TBX15: variants seen among roughly 807,000 people sequenced by gnomAD.
TBX15 encodes T-box transcription factor TBX15.
Under a neutral mutation model 53.9 loss-of-function variants are expected in TBX15, and 18 were observed. That is an observed-to-expected ratio of 0.33 (90% CI 0.23 to 0.49). The LOEUF is 0.49. Among genes scored for constraint, TBX15 ranks in the 20% least tolerant of loss-of-function variants. TBX15 has a pLI of 0.98. For synonymous variants in TBX15, 295 were observed against 278.0 expected (o/e 1.06, Z -0.61); for missense variants, 692 against 749.5 (o/e 0.92, Z 0.90).
chr1:118,917,312 G>T (rs761185899), intron 5 of TBX15, among the ~76,000 whole-genome samples: 1 of 152,106 alleles, frequency 6.6e-6, no homozygotes, highest in East Asian at 1.9e-4. Flanking sequence ...GCAAACGAAC[G>T]CAGGAACAGA....
rs1653860427 is a variant in TBX15 at position 118,884,645 on chromosome 1, A to C, written c.*87T>G. 6.6e-7 allele frequency: 1 copy of C among 1,507,282 alleles called. No individual in the cohort carries two copies. The highest frequency in any genetic ancestry group is 9.0e-7 in the Non-Finnish European group (1 of 1,110,284). 93.4% of individuals were successfully genotyped at this position (1,507,282 alleles called of 1,614,324 possible). ...AAAAAACACGGTTCCTGTTTTTCAA[A>C]GACACTGGACTCCCAAAGAGGAGGA... is the stretch of plus-strand genomic sequence containing the variant. On this transcript the variant is annotated 3_prime_UTR_variant, in exon 8 of 8. Coordinates refer to ENST00000369429, the MANE Select transcript of TBX15 (RefSeq NM_001330677.2).
At chr1:118,936,961 A>G (rs1322131801) in intron 1 of TBX15, among the ~76,000 whole-genome samples, 2 of 152,186 alleles carry the variant, frequency 1.3e-5, no homozygotes, top group East Asian at 1.9e-4. Context: ...GGAGCTCACA[A>G]TTTGGTAGAA....
chr1:118,951,449 A>C (rs975212665), intron 1 of TBX15, among the ~76,000 whole-genome samples: 2 of 152,168 alleles, frequency 1.3e-5, no homozygotes, highest in Non-Finnish European at 2.9e-5. Context: ...AGGGGTTTTG[A>C]GTAACAATAA....
intron 6 of TBX15, among the ~76,000 whole-genome samples, chr1:118,903,265 GC>G (rs1654696788): frequency 6.6e-6 from 1 of 152,122 alleles, no homozygotes; most frequent in African/African-American, 2.4e-5. Flanking sequence ...GAGAAAGCAA[GC>G]CAAGGACCTC....
Position 118,884,439 on chromosome 1 carries a change from A to G in TBX15, c.*293T>C. The G allele has an allele frequency of 2.2e-6, 1 of 459,134 alleles. No homozygotes were observed. Among genetic ancestry groups the G allele is most frequent in the Non-Finnish European group, 4.0e-6 (1 of 251,672 alleles). 28.4% of individuals were successfully genotyped at this position (459,134 alleles called of 1,614,324 possible). On this transcript the variant is annotated 3_prime_UTR_variant, in exon 8 of 8. Coordinates refer to ENST00000369429, the MANE Select transcript of TBX15 (RefSeq NM_001330677.2). ...AGCATCTCCCTTAACATTATGACGA[A>G]GTGATTATTCAGTCTCTTCAAAGGC...
At chr1:118,957,081 T>TC (rs1232595678) in intron 1 of TBX15, among the ~76,000 whole-genome samples, 1 of 152,192 alleles carries the variant, frequency 6.6e-6, no homozygotes, top group Non-Finnish European at 1.5e-5. Context: ...CCTGCCTACC[T>TC]CCATTCCTGT....
rs1426845723 is a variant in TBX15 at position 118,885,155 on chromosome 1, C to T, written c.1386G>A (p.Met462Ile). 1.2e-6 allele frequency: 2 copies of T among 1,614,208 alleles called. No homozygotes were observed. The highest frequency in any genetic ancestry group is 2.2e-5 in the South Asian group (2 of 91,084). ...ACCCCAGCTGGCCACCGTAGGCTTC[C>T]ATCTTGCTGTTGCCAGGCAACGAGG... ...TPPSLPGNSK[M>I]EAYGGQLGSF... Residue 462 changes from methionine (M) to isoleucine (I), a missense_variant, in exon 8 of 8, where the codon ATG becomes ATA. Physicochemically the swap from Met to Ile is conservative, Grantham distance 10 (BLOSUM62 1). Transcript: ENST00000369429.
chr1:118,972,691 C>T (rs934704376), intron 1 of TBX15, among the ~76,000 whole-genome samples: 1 of 152,056 alleles, frequency 6.6e-6, no homozygotes, highest in African/African-American at 2.4e-5. Flanking sequence ...CTCTGCCTCC[C>T]GGGTTCAAGT....
intron 7 of TBX15, among the ~76,000 whole-genome samples, chr1:118,891,372 CTTAA>C (rs1282067883): frequency 6.6e-5 from 10 of 152,306 alleles, no homozygotes; most frequent in Middle Eastern, 3.4e-3. Flanking sequence ...TTTCCATTAA[CTTAA>C]TTGTTTTCTC....
At chr1:118,923,703 GCA>G in intron 4 of TBX15, 100 bp from the exon 5 acceptor site, 1 of 1,405,670 alleles carries the variant, frequency 7.1e-7, no homozygotes, top group East Asian at 2.3e-5. Context: ...TATAGGAAAA[GCA>G]CAGATTGGAG....
At chr1:118,894,420 T>C (rs1219331975) in intron 7 of TBX15, among the ~76,000 whole-genome samples, 1 of 152,070 alleles carries the variant, frequency 6.6e-6, no homozygotes, top group Non-Finnish European at 1.5e-5. Context: ...CTTTCATAGG[T>C]GAAAGTAAAC....
intron 1 of TBX15, among the ~76,000 whole-genome samples, chr1:118,971,093 G>A (rs1345506834): frequency 6.6e-6 from 1 of 152,148 alleles, no homozygotes; most frequent in African/African-American, 2.4e-5. Flanking sequence ...GGCTGCCGTG[G>A]TCACAATCCT....
chr1:118,904,463 A>G (rs1654745294), intron 6 of TBX15, among the ~76,000 whole-genome samples: 1 of 152,150 alleles, frequency 6.6e-6, no homozygotes, highest in Non-Finnish European at 1.5e-5. Flanking sequence ...TAAAAACCTA[A>G]CCATCATTCA....
At chr1:118,977,749 T>G (rs1208866921) in intron 1 of TBX15, among the ~76,000 whole-genome samples, 3 of 152,244 alleles carry the variant, frequency 2.0e-5, no homozygotes, top group East Asian at 3.8e-4. Flanking sequence ...ATAGAGGCCT[T>G]GAATGCTAAG....
chr1:118,962,201 C>T (rs1443479566), intron 1 of TBX15, among the ~76,000 whole-genome samples: 1 of 152,216 alleles, frequency 6.6e-6, no homozygotes, highest in African/African-American at 2.4e-5. Context: ...TCCATTACTA[C>T]AGACCAGCAC....
At chr1:118,929,884 C>T (rs1655723593) in intron 2 of TBX15, among the ~76,000 whole-genome samples, 1 of 152,064 alleles carries the variant, frequency 6.6e-6, no homozygotes, top group Non-Finnish European at 1.5e-5. Flanking sequence ...TTTCTTCTCT[C>T]TCCAAACCAA....
At chr1:118,968,238 A>T (rs1657119013) in intron 1 of TBX15, among the ~76,000 whole-genome samples, 1 of 152,146 alleles carries the variant, frequency 6.6e-6, no homozygotes, top group Non-Finnish European at 1.5e-5. Context: ...ATTTTGAGAC[A>T]GGGTCTCCCT....
intron 1 of TBX15, among the ~76,000 whole-genome samples, chr1:118,976,528 T>A (rs895030116): frequency 6.6e-6 from 1 of 152,186 alleles, no homozygotes. Context: ...AAGAGAAACA[T>A]GCTTGCATTA....
At chr1:118,923,174 T>C (rs1655479505) in intron 5 of TBX15, among the ~76,000 whole-genome samples, 1 of 151,970 alleles carries the variant, frequency 6.6e-6, no homozygotes, top group African/African-American at 2.4e-5. Context: ...TTTGAGATGG[T>C]TTAATAGCTT....
Sources: gnomAD v4.1 joint callset for allele counts (sites outside exome capture counted in the v4.1 genomes callset) on GRCh38, gnomAD v4.1.1 for gene constraint, MANE v1.5 for transcripts, NCBI Gene and HGNC (gene_info 2026-07-23, HGNC 2026-07-21) for gene names.